PRKAR1B: variants seen among roughly 807,000 people sequenced by gnomAD.
The protein encoded by PRKAR1B is protein kinase cAMP-dependent type I regulatory subunit beta.
PRKAR1B carries 22 observed loss-of-function variants against 46.5 expected under a neutral mutation model. The ratio of observed to expected loss-of-function variants is 0.47; its 90% CI spans 0.34 to 0.68. The LOEUF is 0.68. Among genes scored for constraint, PRKAR1B ranks in the 30% least tolerant of loss-of-function variants. The pLI is 0.01. For missense variants in PRKAR1B, 445 were observed against 535.6 expected (o/e 0.83, Z 1.67); for synonymous variants, 259 against 217.7 (o/e 1.19, Z -1.67).
chr7:626,690 A>G (rs923927952), intron 4 of PRKAR1B, among the ~76,000 whole-genome samples: 7 of 151,446 alleles, frequency 4.6e-5, no homozygotes, highest in Non-Finnish European at 7.4e-5. Flanking sequence ...CTGATCTTGG[A>G]GGAAAAAAAA....
At chr7:571,632 C>T (rs1457019672) in intron 9 of PRKAR1B, among the ~76,000 whole-genome samples, 1 of 152,236 alleles carries the variant, frequency 6.6e-6, no homozygotes, top group Non-Finnish European at 1.5e-5. Context: ...TGGGGAATTT[C>T]GGTCTCGGGA....
At chr7:596,971 G>C (rs968125204) in intron 6 of PRKAR1B, among the ~76,000 whole-genome samples, 4 of 152,286 alleles carry the variant, frequency 2.6e-5, no homozygotes, top group African/African-American at 9.6e-5. Context: ...AAGGAGCCCA[G>C]ACAAGATTCC....
Position 713,370 on chromosome 7 carries a change from C to CG in PRKAR1B, c.-22-1844dup, listed in dbSNP as rs145831645. Among the ~76,000 whole-genome samples, 873 of 152,054 alleles carry CG rather than the reference C, an allele frequency of 5.7e-3. 11 individuals are homozygous for CG. The highest frequency in any genetic ancestry group is 0.02 in the African/African-American group (829 of 41,452). ...ATCCTCCACCCGCCTGTCCAGCCCCCGGGTCCTGCACTCACCTGCCCGGCT... is the reference window on the plus strand; with the variant it reads ...ATCCTCCACCCGCCTGTCCAGCCCCCGGGGTCCTGCACTCACCTGCCCGGCT... On this transcript the variant is annotated intron_variant, in intron 1 of 10. Transcript: ENST00000537384.
At chr7:652,023 G>A (rs1273284487) in intron 4 of PRKAR1B, among the ~76,000 whole-genome samples, 2 of 89,812 alleles carry the variant, frequency 2.2e-5, no homozygotes, top group Non-Finnish European at 4.3e-5. Context: ...AACCCCTCTC[G>A]GAACACAGTT....
intron 1 of PRKAR1B, among the ~76,000 whole-genome samples, chr7:722,778 G>C (rs1342516571): frequency 6.6e-6 from 1 of 152,212 alleles, no homozygotes; most frequent in Admixed American, 6.5e-5. Flanking sequence ...GGCTTTCCTT[G>C]TTCTTGGTAT....
At chr7:590,793 T>C (rs1437464887) in intron 7 of PRKAR1B, among the ~76,000 whole-genome samples, 3 of 152,030 alleles carry the variant, frequency 2.0e-5, no homozygotes, top group Non-Finnish European at 4.4e-5. Context: ...ACCAAGACGG[T>C]GCAGACGGCA....
intron 4 of PRKAR1B, among the ~76,000 whole-genome samples, chr7:625,852 C>A (rs1000826264): frequency 1.3e-5 from 2 of 151,862 alleles, no homozygotes; most frequent in Non-Finnish European, 2.9e-5. Flanking sequence ...GTAAAAAATA[C>A]ACAAAATTAG....
At position 688,713 on chromosome 7, in the gene PRKAR1B, C is replaced by T. The variant is rs751433566; in HGVS notation, c.178-7987G>A. Among the ~76,000 whole-genome samples, 12 of 152,298 alleles carry T rather than the reference C, an allele frequency of 7.9e-5. No homozygotes were observed. The Middle Eastern group carries it at 0.014, about 173-fold the overall frequency. On this transcript the variant is annotated intron_variant, in intron 2 of 10. Transcript: ENST00000537384. ...TCAGTGCAGGAAAACCCTCCCAATA[C>T]GCCTCTCCTCCCCCTCCAGAGCTCT...
intron 4 of PRKAR1B, among the ~76,000 whole-genome samples, chr7:626,833 C>T (rs1783428430): frequency 6.6e-6 from 1 of 152,062 alleles, no homozygotes. Flanking sequence ...GCCTCAGCCT[C>T]TCAAGTAGCT....
At chr7:556,284 C>T (rs1489700425) in intron 9 of PRKAR1B, among the ~76,000 whole-genome samples, 1 of 152,002 alleles carries the variant, frequency 6.6e-6, no homozygotes, top group Non-Finnish European at 1.5e-5. Context: ...TTCTGGAAAC[C>T]GACCCCTCAG....
In PRKAR1B at chr7:579,295, G is replaced by C. The variant is rs765093315; in HGVS notation, c.852C>G (p.Val284=). ...AAAAGTCGTCCCCAGGCTCTCCCTG[G>C]ACCACAATTTTCTCTCCATCTTCAA... The part of the protein sequence containing the change: ...VQFEDGEKIV[V]QGEPGDDFYI... Residue 284 remains valine (V), a synonymous_variant, in exon 9 of 11, where the codon GTC becomes GTG. Coordinates refer to ENST00000537384, the MANE Select transcript of PRKAR1B (RefSeq NM_001164760.2). The C allele has an allele frequency of 2.0e-5, 33 of 1,614,018 alleles. No individual in the cohort carries two copies. Among genetic ancestry groups the C allele is most frequent in the Non-Finnish European group, 2.5e-5 (29 of 1,180,042 alleles).
intron 4 of PRKAR1B, among the ~76,000 whole-genome samples, chr7:639,579 C>A (rs1583340863): frequency 1.3e-5 from 2 of 152,330 alleles, no homozygotes; most frequent in South Asian, 4.1e-4. Flanking sequence ...GCCAGGCATA[C>A]TGGCTCACGC....
chr7:634,810 T>C (rs536891256), intron 4 of PRKAR1B, among the ~76,000 whole-genome samples: 5 of 152,104 alleles, frequency 3.3e-5, no homozygotes, highest in African/African-American at 9.6e-5. Context: ...TGGCTAATTT[T>C]TGTGTTTTTA....
At chr7:700,881 AATC>A (rs1465018888) in intron 2 of PRKAR1B, among the ~76,000 whole-genome samples, 1 of 152,124 alleles carries the variant, frequency 6.6e-6, no homozygotes, top group Admixed American at 6.6e-5. Context: ...GATCAACAGA[AATC>A]ATCCCACCAA....
At position 583,471 on chromosome 7, in the gene PRKAR1B, T is replaced by TA. The variant is rs1780357577; in HGVS notation, c.769+1036_769+1037insT. 4.9e-5 allele frequency among the ~76,000 whole-genome samples: 6 copies of TA among 121,768 alleles called. No homozygotes were observed. In the South Asian group the frequency reaches 1.7e-3, roughly 34 times the overall value. The allele number at this position is 121,768 out of a possible 152,430, so 79.9% of individuals were successfully genotyped here. A position where few individuals can be genotyped will look rare whatever the true frequency, so the allele number is the denominator to read the frequency against. On this transcript the variant is annotated intron_variant, in intron 8 of 10. Transcript: ENST00000537384. Reference sequence around the variant, plus strand: ...CTCACACCCACTCACACACGTGCACTCACACCCACGCACACACGTGTGTGC... The same window carrying TA: ...CTCACACCCACTCACACACGTGCACTACACACCCACGCACACACGTGTGTGC...
rs566029660 is a variant in PRKAR1B, at chr7:556,659, G to A, written c.892-5189C>T. The stretch of plus-strand genomic sequence containing the variant: ...GAAGGGGCTGTGGCGCGGCTGGACA[G>A]GAGGGGCCGAGGCCAGAGGAAGGTG... On this transcript the variant is annotated intron_variant, in intron 9 of 10. Transcript: ENST00000537384. 3.9e-3 allele frequency among the ~76,000 whole-genome samples: 594 copies of A among 152,336 alleles called. 3 individuals carry two copies. The highest frequency in any genetic ancestry group is 6.1e-3 in the Non-Finnish European group (416 of 68,028).
intron 2 of PRKAR1B, among the ~76,000 whole-genome samples, chr7:706,422 A>ATTTTTTTTTTTTTTTTTTTTTT (rs33963335): frequency 9.8e-6 from 1 of 102,312 alleles, no homozygotes; most frequent in East Asian, 2.8e-4. Flanking sequence ...CAAATAAGGA[A>ATTTTTTTTTTTTTTTTTTTTTT]TTTTTTTTTT....
intron 4 of PRKAR1B, among the ~76,000 whole-genome samples, chr7:635,938 CCACA>C (rs1784030537): frequency 6.8e-6 from 1 of 148,104 alleles, no homozygotes; most frequent in Non-Finnish European, 1.5e-5. Context: ...AGCACCGCGC[CCACA>C]CATCCTCCAC....
At chr7:629,918 G>C (rs1783636164) in intron 4 of PRKAR1B, among the ~76,000 whole-genome samples, 2 of 67,522 alleles carry the variant, frequency 3.0e-5, no homozygotes, top group Non-Finnish European at 5.5e-5. Context: ...ACCACCCCAG[G>C]GCTGGAAAAC....
Sources: allele counts gnomAD v4.1 joint callset (sites outside exome capture counted in the v4.1 genomes callset), GRCh38; gene constraint gnomAD v4.1.1; transcripts MANE v1.5; gene names NCBI Gene and HGNC (gene_info 2026-07-23, HGNC 2026-07-21).